Variants in PPM1L observed in about 807,000 individuals in gnomAD.
The protein encoded by PPM1L is protein phosphatase, Mg2+/Mn2+ dependent 1L, also known as protein phosphatase 1L.
A neutral mutation model predicts 31.4 loss-of-function variants in PPM1L; 13 were observed. That is an observed-to-expected ratio of 0.41 (90% CI 0.27 to 0.66). The LOEUF is 0.66. PPM1L is among the 30% of genes least tolerant of loss of function. The pLI, the probability that PPM1L is intolerant of heterozygous loss-of-function variation, is 0.29. For synonymous variants in PPM1L, 184 were observed against 175.4 expected (o/e 1.05, Z -0.39); for missense variants, 326 against 453.7 (o/e 0.72, Z 2.56).
At chr3:160,936,418 C>A (rs1031532628) in intron 1 of PPM1L, among the ~76,000 whole-genome samples, 1 of 152,038 alleles carries the variant, frequency 6.6e-6, no homozygotes, top group Non-Finnish European at 1.5e-5. Context: ...AATTTCTTGA[C>A]ATTATTTTAA....
At chr3:160,785,897 G>A (rs1711900215) in intron 1 of PPM1L, among the ~76,000 whole-genome samples, 2 of 148,978 alleles carry the variant, frequency 1.3e-5, no homozygotes, top group African/African-American at 2.5e-5. Context: ...AAAATTGCTG[G>A]GTGAAAGAGC....
At chr3:160,757,115 G>A (rs1425884827) in intron 1 of PPM1L, among the ~76,000 whole-genome samples, 2 of 152,176 alleles carry the variant, frequency 1.3e-5, no homozygotes, top group African/African-American at 4.8e-5. Context: ...TAGGCACAGA[G>A]AAGGAAGACA....
At chr3:160,761,957 C>G (rs562140305) in intron 1 of PPM1L, among the ~76,000 whole-genome samples, 1 of 152,290 alleles carries the variant, frequency 6.6e-6, no homozygotes, top group South Asian at 2.1e-4. Flanking sequence ...CTCACTGGGT[C>G]CCTCCCACAA....
At chr3:160,984,836 T>G (rs1716911694) in intron 2 of PPM1L, among the ~76,000 whole-genome samples, 1 of 152,170 alleles carries the variant, frequency 6.6e-6, no homozygotes, top group Non-Finnish European at 1.5e-5. Context: ...AGAGGCGATA[T>G]CTACCTCCAC....
intron 2 of PPM1L, among the ~76,000 whole-genome samples, chr3:161,008,290 A>G (rs1201860590): frequency 6.6e-6 from 1 of 152,250 alleles, no homozygotes; most frequent in Non-Finnish European, 1.5e-5. Context: ...GGAATGCTGC[A>G]CAGAGCGGCC....
chr3:161,037,861 T>A (rs1246389072), intron 2 of PPM1L, among the ~76,000 whole-genome samples: 1 of 152,108 alleles, frequency 6.6e-6, no homozygotes, highest in Non-Finnish European at 1.5e-5. Flanking sequence ...ATATTTGTTG[T>A]CTTAAGCTGC....
At chr3:160,874,986 A>G (rs1421989231) in intron 1 of PPM1L, among the ~76,000 whole-genome samples, 2 of 152,198 alleles carry the variant, frequency 1.3e-5, no homozygotes, top group Non-Finnish European at 2.9e-5. Context: ...CCCAGGTGAC[A>G]TAGGGTAGAG....
intron 1 of PPM1L, among the ~76,000 whole-genome samples, chr3:160,914,680 A>T (rs1037279422): frequency 7.9e-5 from 12 of 152,076 alleles, no homozygotes; most frequent in African/African-American, 2.9e-4. Context: ...TTCTTGATCC[A>T]GTCTATCATT....
intron 2 of PPM1L, among the ~76,000 whole-genome samples, chr3:160,987,685 A>G (rs900356556): frequency 6.6e-6 from 1 of 152,236 alleles, no homozygotes. Context: ...TTGAAGCTTC[A>G]TTAGCTTCAA....
chr3:160,773,751 TC>T (rs1560103511), intron 1 of PPM1L, among the ~76,000 whole-genome samples: 1 of 152,214 alleles, frequency 6.6e-6, no homozygotes, highest in Non-Finnish European at 1.5e-5. Flanking sequence ...TTTGAAGATC[TC>T]TAGGAGCCTC....
chr3:161,014,454 C>A (rs1718009508), intron 2 of PPM1L, among the ~76,000 whole-genome samples: 1 of 148,552 alleles, frequency 6.7e-6, no homozygotes, highest in African/African-American at 2.5e-5. Context: ...TGCCAAATAT[C>A]CCTTTTTTTC....
At chr3:160,944,778 T>TAACA (rs1354468057) in intron 1 of PPM1L, among the ~76,000 whole-genome samples, 1 of 51,090 alleles carries the variant, frequency 2.0e-5, no homozygotes, top group Non-Finnish European at 4.6e-5. Context: ...ATGTTATATA[T>TAACA]TATATTATAT....
intron 1 of PPM1L, among the ~76,000 whole-genome samples, chr3:160,796,476 A>G (rs1712252827): frequency 6.6e-6 from 1 of 152,356 alleles, no homozygotes; most frequent in African/African-American, 2.4e-5. Context: ...CTGAAAAGAA[A>G]TAAGAATCCC....
intron 1 of PPM1L, among the ~76,000 whole-genome samples, chr3:160,809,751 T>A (rs1367700583): frequency 6.6e-6 from 1 of 152,176 alleles, no homozygotes; most frequent in African/African-American, 2.4e-5. Flanking sequence ...TGCTTACCAA[T>A]GCCACCTGCT....
intron 2 of PPM1L, among the ~76,000 whole-genome samples, chr3:161,006,042 C>A (rs928427158): frequency 6.6e-6 from 1 of 151,878 alleles, no homozygotes; most frequent in Non-Finnish European, 1.5e-5. Context: ...ACAGTCTCAA[C>A]GAGATATTTT....
At chr3:160,967,549 C>T (rs1716192635) in intron 2 of PPM1L, among the ~76,000 whole-genome samples, 2 of 140,492 alleles carry the variant, frequency 1.4e-5, no homozygotes, top group East Asian at 3.9e-4. Context: ...TAATTCCATT[C>T]ACGAGGGGTT....
At chr3:160,944,802 C>G (rs1208356967) in intron 1 of PPM1L, among the ~76,000 whole-genome samples, 1 of 14,336 alleles carries the variant, frequency 7.0e-5, no homozygotes, top group East Asian at 6.3e-4. Flanking sequence ...TTATATATAA[C>G]ATATATAACA....
intron 1 of PPM1L, among the ~76,000 whole-genome samples, chr3:160,802,508 C>T (rs1472206791): frequency 6.6e-6 from 1 of 152,172 alleles, no homozygotes; most frequent in Non-Finnish European, 1.5e-5. Context: ...AGGAAGAACA[C>T]TAATGTTTAT....
At chr3:160,931,560 GAAGAAA>G (rs1207537826) in intron 1 of PPM1L, among the ~76,000 whole-genome samples, 1 of 152,172 alleles carries the variant, frequency 6.6e-6, no homozygotes, top group Non-Finnish European at 1.5e-5. Context: ...TAAGTGGCAA[GAAGAAA>G]AAGAAAAAGA....
Sources: gnomAD v4.1 joint callset for allele counts (sites outside exome capture counted in the v4.1 genomes callset) on GRCh38, gnomAD v4.1.1 for gene constraint, MANE v1.5 for transcripts, NCBI Gene and HGNC (gene_info 2026-07-23, HGNC 2026-07-21) for gene names.